The following C1orf21 variants were observed in gnomAD, a reference collection of about 807,000 sequenced individuals.
The protein encoded by C1orf21 is uncharacterized protein C1orf21.
Under a neutral mutation model 18.7 loss-of-function variants are expected in C1orf21, and 3 were observed. That is an observed-to-expected ratio of 0.16 (90% confidence interval 0.07 to 0.42). The LOEUF (loss-of-function observed/expected upper bound fraction) is 0.42, where lower values mean the gene tolerates loss of function less well. Among genes scored for constraint, C1orf21 ranks in the 10% least tolerant of loss-of-function variants. The pLI is 0.99. For missense variants in C1orf21, 104 were observed against 143.6 expected (o/e 0.72, Z 1.41); for synonymous variants, 41 against 46.4 (o/e 0.88, Z 0.47).
chr1:184,514,802 A>G (rs1195321969), intron 3 of C1orf21, among the ~76,000 whole-genome samples: 45 of 152,238 alleles, frequency 3.0e-4, no homozygotes, highest in Non-Finnish European at 5.9e-5. Flanking sequence ...ATGAGTTAGA[A>G]TTCTATGAGC....
At chr1:184,393,825 C>T (rs762807911) in intron 1 of C1orf21, among the ~76,000 whole-genome samples, 3 of 152,196 alleles carry the variant, frequency 2.0e-5, no homozygotes, top group Non-Finnish European at 4.4e-5. Context: ...ATTTCATCTT[C>T]ATTACCTTTT....
chr1:184,527,999 TA>T (rs1658403506), intron 3 of C1orf21, among the ~76,000 whole-genome samples: 1 of 152,236 alleles, frequency 6.6e-6, no homozygotes, highest in South Asian at 2.1e-4. Flanking sequence ...TGCATCCTGT[TA>T]AAATATTGTT....
chr1:184,571,026 G>A (rs1472602736), intron 3 of C1orf21, among the ~76,000 whole-genome samples: 2 of 152,064 alleles, frequency 1.3e-5, no homozygotes, highest in Admixed American at 1.3e-4. Flanking sequence ...GGGCGCGGTG[G>A]CTCACGCCTG....
intron 3 of C1orf21, among the ~76,000 whole-genome samples, chr1:184,508,680 A>G (rs1051663387): frequency 1.3e-5 from 2 of 152,170 alleles, no homozygotes; most frequent in Non-Finnish European, 2.9e-5. Flanking sequence ...ATGATCTATA[A>G]CTTGAAATAC....
intron 3 of C1orf21, among the ~76,000 whole-genome samples, chr1:184,533,584 T>C (rs979392290): frequency 2.6e-5 from 4 of 152,074 alleles, no homozygotes; most frequent in Admixed American, 1.3e-4. Flanking sequence ...TCCGACATGA[T>C]TTTTTTTCAG....
chr1:184,432,449 C>T (rs1045737920), intron 1 of C1orf21, among the ~76,000 whole-genome samples: 1 of 152,054 alleles, frequency 6.6e-6, no homozygotes, highest in Non-Finnish European at 1.5e-5. Flanking sequence ...TGTTCTCACT[C>T]GTAAGTAGGA....
At chr1:184,437,786 C>T (rs758338906) in intron 1 of C1orf21, among the ~76,000 whole-genome samples, 2 of 151,840 alleles carry the variant, frequency 1.3e-5, no homozygotes, top group African/African-American at 2.4e-5. Flanking sequence ...ATATAACTCA[C>T]CATAATTTAG....
At chr1:184,425,615 A>G (rs1461709524) in intron 1 of C1orf21, among the ~76,000 whole-genome samples, 1 of 152,100 alleles carries the variant, frequency 6.6e-6, no homozygotes, top group African/African-American at 2.4e-5. Flanking sequence ...CATGGTCTCC[A>G]GCAGTCTTGC....
intron 1 of C1orf21, among the ~76,000 whole-genome samples, chr1:184,448,105 A>T (rs1657060567): frequency 6.6e-6 from 1 of 152,024 alleles, no homozygotes; most frequent in Non-Finnish European, 1.5e-5. Context: ...TTCTTTTGAG[A>T]CAGAGTCTTG....
At chr1:184,429,902 A>T (rs561129747) in intron 1 of C1orf21, among the ~76,000 whole-genome samples, 14 of 151,932 alleles carry the variant, frequency 9.2e-5, no homozygotes, top group Admixed American at 7.2e-4. Flanking sequence ...AGGTCAGAAG[A>T]TCGAGACCAT....
chr1:184,516,468 A>G (rs188525273), intron 3 of C1orf21, among the ~76,000 whole-genome samples: 2 of 152,256 alleles, frequency 1.3e-5, no homozygotes, highest in Admixed American at 6.5e-5. Flanking sequence ...GGATTAGTCC[A>G]TTTTCATGCT....
At chr1:184,481,539 G>A (rs570340606) in intron 2 of C1orf21, among the ~76,000 whole-genome samples, 34 of 152,172 alleles carry the variant, frequency 2.2e-4, no homozygotes, top group Non-Finnish European at 3.8e-4. Flanking sequence ...TATAGGTGCA[G>A]GGAGGGTCAA....
chr1:184,610,574 C>T (rs114262623), intron 5 of C1orf21, among the ~76,000 whole-genome samples: 1,794 of 152,238 alleles, frequency 0.012, 31 homozygotes, highest in African/African-American at 0.038. Flanking sequence ...AGGCCAGGCG[C>T]GGTGGCTCAC....
intron 2 of C1orf21, among the ~76,000 whole-genome samples, chr1:184,478,514 G>A (rs1043261223): frequency 2.6e-5 from 4 of 152,144 alleles, no homozygotes; most frequent in Non-Finnish European, 5.9e-5. Flanking sequence ...GCAGCAATAG[G>A]TCTTCATTCC....
chr1:184,561,374 T>G (rs1283920116), intron 3 of C1orf21, among the ~76,000 whole-genome samples: 1 of 152,166 alleles, frequency 6.6e-6, no homozygotes, highest in Non-Finnish European at 1.5e-5. Context: ...AATCCTGGGC[T>G]GGTATAATCC....
intron 1 of C1orf21, among the ~76,000 whole-genome samples, chr1:184,448,193 C>T (rs550831864): frequency 6.6e-6 from 1 of 152,182 alleles, no homozygotes; most frequent in Non-Finnish European, 1.5e-5. Context: ...AAGCAGTTCT[C>T]CTACCTCAGC....
At position 184,451,462 on chromosome 1, in the gene C1orf21, AT is replaced by A. The variant is rs374550435; in HGVS notation, c.-124-25901del. On this transcript the variant is annotated intron_variant, in intron 1 of 5. Transcript: ENST00000235307. The stretch of plus-strand genomic sequence containing the variant: ...TACACCATCATGCCTGGCTAATTTA[AT>A]TTTTTTTTTTTTTTTTTTTTTTGGA... Among the ~76,000 whole-genome samples the A allele has an allele frequency of 6.6e-3, 513 of 77,780 alleles. 2 individuals are homozygous for A. The highest frequency in any genetic ancestry group is 0.015 in the African/African-American group (308 of 20,222). The allele number at this position is 77,780 out of a possible 152,430, so 51.0% of individuals were successfully genotyped here.
chr1:184,432,672 A>C (rs1656784847), intron 1 of C1orf21, among the ~76,000 whole-genome samples: 2 of 152,072 alleles, frequency 1.3e-5, no homozygotes, highest in Admixed American at 1.3e-4. Flanking sequence ...TATTAAAAAA[A>C]AAGAAAAGAA....
intron 3 of C1orf21, among the ~76,000 whole-genome samples, chr1:184,547,420 C>CT (rs34169321): frequency 0.018 from 1,874 of 102,878 alleles, 49 homozygotes; most frequent in Non-Finnish European, 0.022. Context: ...TACATCCAGA[C>CT]TTTTTTTTTT....
Sources: gnomAD v4.1 joint callset for allele counts (sites outside exome capture counted in the v4.1 genomes callset) on GRCh38, gnomAD v4.1.1 for gene constraint, MANE v1.5 for transcripts, NCBI Gene and HGNC (gene_info 2026-07-23, HGNC 2026-07-21) for gene names.